The following CSMD1 variants were observed in gnomAD, a reference collection of about 807,000 sequenced individuals.
The protein encoded by CSMD1 is CUB and Sushi multiple domains 1, also known as CUB and sushi domain-containing protein 1.
In CSMD1, 213 loss-of-function variants were observed where a neutral mutation model predicts 417.5. The ratio of observed to expected loss-of-function variants is 0.51; its 90% CI spans 0.46 to 0.57. CSMD1 has a LOEUF of 0.57. CSMD1 is among the 20% of genes least tolerant of loss of function. The pLI is 0.00. For missense variants in CSMD1, 6,923 were observed against 4,529.7 expected (o/e 1.53, Z -15.17); for synonymous variants, 2,862 against 1,736.8 (o/e 1.65, Z -16.11).
Position 4,798,948 on chromosome 8 carries a change from C to T in CSMD1, c.86-161390G>A, listed in dbSNP as rs114161727. Among the ~76,000 whole-genome samples the T allele has an allele frequency of 4.7e-3, 722 of 152,278 alleles. 1 individual carries two copies. The highest frequency in any genetic ancestry group is 0.016 in the African/African-American group (662 of 41,566). ...TTGCATCGGCCATTCTTGATCTGCCCTCCAAATTCACTCTCCATGCTTCTG... is the reference window on the plus strand; with the variant it reads ...TTGCATCGGCCATTCTTGATCTGCCTTCCAAATTCACTCTCCATGCTTCTG... On this transcript the variant is annotated intron_variant, in intron 1 of 69. Coordinates refer to ENST00000635120, the MANE Select transcript of CSMD1 (RefSeq NM_033225.6).
chr8:3,977,436 T>C (rs1244046106), intron 5 of CSMD1, among the ~76,000 whole-genome samples: 1 of 152,194 alleles, frequency 6.6e-6, no homozygotes, highest in Non-Finnish European at 1.5e-5. Flanking sequence ...TTTTTCCATG[T>C]TCTCTGAGTT....
intron 1 of CSMD1, among the ~76,000 whole-genome samples, chr8:4,794,095 A>T (rs558215899): frequency 6.6e-6 from 1 of 152,202 alleles, no homozygotes; most frequent in Non-Finnish European, 1.5e-5. Context: ...ACTTCTGGAG[A>T]TAAGTCAGAT....
chr8:3,306,878 T>C (rs1337265325), intron 25 of CSMD1, among the ~76,000 whole-genome samples: 1 of 152,084 alleles, frequency 6.6e-6, no homozygotes, highest in African/African-American at 2.4e-5. Context: ...TTTTTGTTGG[T>C]TTAAATAACT....
At chr8:4,154,867 A>C (rs1295538651) in intron 3 of CSMD1, among the ~76,000 whole-genome samples, 2 of 152,208 alleles carry the variant, frequency 1.3e-5, no homozygotes, top group Non-Finnish European at 2.9e-5. Flanking sequence ...ATACCAAGTC[A>C]GCTGCATCAC....
intron 1 of CSMD1, among the ~76,000 whole-genome samples, chr8:4,770,597 C>T (rs771421633): frequency 2.0e-5 from 3 of 151,826 alleles, no homozygotes; most frequent in Non-Finnish European, 2.9e-5. Flanking sequence ...AAACCTATGG[C>T]ATTGGCATAA....
intron 7 of CSMD1, among the ~76,000 whole-genome samples, chr8:3,670,286 C>A (rs1316701503): frequency 6.6e-6 from 1 of 151,928 alleles, no homozygotes; most frequent in Non-Finnish European, 1.5e-5. Flanking sequence ...AGCCTACATC[C>A]TTCTCCTGTG....
In CSMD1 at chr8:3,251,168, G is replaced by C. The variant is rs1260068244; in HGVS notation, c.4154-20937C>G. Among the ~76,000 whole-genome samples the C allele has an allele frequency of 3.3e-5, 5 of 152,214 alleles. No individual in the cohort carries two copies. The East Asian group carries it at 9.7e-4, about 29-fold the overall frequency. On this transcript the variant is annotated intron_variant, in intron 26 of 69. Coordinates refer to ENST00000635120, the MANE Select transcript of CSMD1 (RefSeq NM_033225.6). Reference sequence around the variant, plus strand: ...CTATGTCCTGAATGGTATTGCCTAGGTTTTCTTCTAGGGTTTTTATGGTTT... The same window carrying C: ...CTATGTCCTGAATGGTATTGCCTAGCTTTTCTTCTAGGGTTTTTATGGTTT...
intron 10 of CSMD1, among the ~76,000 whole-genome samples, chr8:3,499,223 G>C (rs1392988053): frequency 1.3e-5 from 2 of 152,180 alleles, no homozygotes; most frequent in East Asian, 1.9e-4. Context: ...CATGAGTACA[G>C]TAGTGCAGTC....
rs568089041 is a variant in CSMD1 at position 3,031,573 on chromosome 8, G to A, written c.7661-2060C>T. Reference sequence around the variant, plus strand: ...TTCTTTCTTTCTTTGTTGTTTCCTTGTTGTTTTATACAGACTAGGTCTAGT... The same window carrying A: ...TTCTTTCTTTCTTTGTTGTTTCCTTATTGTTTTATACAGACTAGGTCTAGT... On this transcript the variant is annotated intron_variant, in intron 50 of 69. Transcript: ENST00000635120. 3.8e-4 allele frequency among the ~76,000 whole-genome samples: 57 copies of A among 151,938 alleles called. 2 individuals carry two copies. The highest frequency in any genetic ancestry group is 1.0e-4 in the Non-Finnish European group (7 of 67,930).
At chr8:4,350,445 A>C (rs1801025740) in intron 3 of CSMD1, among the ~76,000 whole-genome samples, 1 of 152,194 alleles carries the variant, frequency 6.6e-6, no homozygotes, top group Non-Finnish European at 1.5e-5. Flanking sequence ...ACCTTGATTC[A>C]CCAAACCACA....
chr8:4,466,662 A>T (rs990632401), intron 2 of CSMD1, among the ~76,000 whole-genome samples: 1 of 152,182 alleles, frequency 6.6e-6, no homozygotes, highest in Non-Finnish European at 1.5e-5. Context: ...CAGAACAAAT[A>T]TAACTCTGAG....
chr8:3,209,040 C>T (rs764324298), intron 30 of CSMD1, among the ~76,000 whole-genome samples: 1 of 152,126 alleles, frequency 6.6e-6, no homozygotes, highest in Non-Finnish European at 1.5e-5. Flanking sequence ...CAAAGAAACA[C>T]TTTGTGCAAG....
At chr8:3,767,929 TTTACA>T (rs1798372147) in intron 5 of CSMD1, among the ~76,000 whole-genome samples, 1 of 152,206 alleles carries the variant, frequency 6.6e-6, no homozygotes, top group Non-Finnish European at 1.5e-5. Context: ...TTTTTTCCAC[TTTACA>T]TTAATGATGT....
intron 2 of CSMD1, among the ~76,000 whole-genome samples, chr8:4,528,863 T>A (rs1438166723): frequency 1.3e-5 from 2 of 152,030 alleles, no homozygotes; most frequent in African/African-American, 2.4e-5. Context: ...TAAGAAAAGG[T>A]ATAGTACTAA....
chr8:4,189,155 G>A (rs924928033), intron 3 of CSMD1, among the ~76,000 whole-genome samples: 1 of 152,234 alleles, frequency 6.6e-6, no homozygotes, highest in Admixed American at 6.5e-5. Context: ...TCATCTCTGA[G>A]TTCACAGAAG....
intron 7 of CSMD1, among the ~76,000 whole-genome samples, chr8:3,698,167 C>T (rs150381722): frequency 1.3e-5 from 2 of 152,276 alleles, no homozygotes; most frequent in East Asian, 3.9e-4. Context: ...CAGCAGTCCC[C>T]TTCACAGCAA....
At chr8:4,748,625 A>T (rs756836473) in intron 1 of CSMD1, among the ~76,000 whole-genome samples, 10 of 152,162 alleles carry the variant, frequency 6.6e-5, no homozygotes, top group Admixed American at 1.3e-4. Flanking sequence ...ATTCTAAATT[A>T]TTTATTGACT....
intron 69 of CSMD1, among the ~76,000 whole-genome samples, chr8:2,941,079 T>C (rs1159750898): frequency 2.0e-5 from 3 of 152,200 alleles, no homozygotes; most frequent in Non-Finnish European, 2.9e-5. Context: ...ATAAGGCTCA[T>C]CGGACTTGTG....
At chr8:3,126,461 G>A (rs1231843349) in intron 41 of CSMD1, among the ~76,000 whole-genome samples, 1 of 152,072 alleles carries the variant, frequency 6.6e-6, no homozygotes, top group African/African-American at 2.4e-5. Context: ...TTTACATCAA[G>A]GTGTACACTG....
Sources: allele counts gnomAD v4.1 joint callset (sites outside exome capture counted in the v4.1 genomes callset), GRCh38; gene constraint gnomAD v4.1.1; transcripts MANE v1.5; gene names NCBI Gene and HGNC (gene_info 2026-07-23, HGNC 2026-07-21).